The following FBXL7 variants were observed in gnomAD, a reference collection of about 807,000 sequenced individuals.
The protein encoded by FBXL7 is F-box/LRR-repeat protein 7.
A neutral mutation model predicts 38.3 loss-of-function variants in FBXL7; 12 were observed. The observed-to-expected ratio is 0.31, with a 90% CI of 0.20 to 0.51. FBXL7 has a LOEUF of 0.51. Ranked by LOEUF, FBXL7 falls within the 20% of genes least tolerant of loss-of-function variation. FBXL7 has a pLI of 0.98. For synonymous variants in FBXL7, 297 were observed against 300.9 expected (o/e 0.99, Z 0.13); for missense variants, 567 against 676.4 (o/e 0.84, Z 1.79).
chr5:15,933,093 G>T (rs952536546), intron 3 of FBXL7, among the ~76,000 whole-genome samples: 11 of 152,092 alleles, frequency 7.2e-5, no homozygotes, highest in Admixed American at 5.2e-4. Flanking sequence ...TATAATGTTT[G>T]AATGTGTGAA....
intron 2 of FBXL7, among the ~76,000 whole-genome samples, chr5:15,629,734 A>G (rs529607117): frequency 2.0e-5 from 3 of 152,130 alleles, no homozygotes; most frequent in Non-Finnish European, 4.4e-5. Context: ...CCTGGCGGCT[A>G]CTGGAGTATT....
At chr5:15,741,449 T>C in intron 2 of FBXL7, among the ~76,000 whole-genome samples, 1 of 152,210 alleles carries the variant, frequency 6.6e-6, no homozygotes, top group East Asian at 1.9e-4. Flanking sequence ...GAATTTTTTT[T>C]ACCAAAAGTT....
intron 2 of FBXL7, among the ~76,000 whole-genome samples, chr5:15,769,342 A>T (rs779831895): frequency 6.6e-6 from 1 of 152,194 alleles, no homozygotes; most frequent in Non-Finnish European, 1.5e-5. Flanking sequence ...TGGTATGATG[A>T]GTGTGTGTGT....
chr5:15,503,994 T>G (rs1736573298), intron 1 of FBXL7, among the ~76,000 whole-genome samples: 1 of 152,252 alleles, frequency 6.6e-6, no homozygotes, highest in Non-Finnish European at 1.5e-5. Flanking sequence ...GCAGATGTAA[T>G]GGGCAGAGGC....
intron 1 of FBXL7, among the ~76,000 whole-genome samples, chr5:15,513,396 A>T (rs1043831713): frequency 1.3e-5 from 2 of 152,326 alleles, no homozygotes; most frequent in South Asian, 4.1e-4. Context: ...ATAAAGGATC[A>T]CCATAATAAT....
chr5:15,695,728 G>A (rs1052667798), intron 2 of FBXL7, among the ~76,000 whole-genome samples: 3 of 152,124 alleles, frequency 2.0e-5, no homozygotes, highest in African/African-American at 4.8e-5. Flanking sequence ...CCATTTTATA[G>A]TGGGGAGAGA....
At chr5:15,818,971 GTTGT>G (rs897151107) in intron 2 of FBXL7, among the ~76,000 whole-genome samples, 10 of 152,062 alleles carry the variant, frequency 6.6e-5, no homozygotes, top group South Asian at 2.1e-4. Context: ...ATCCTCTAGT[GTTGT>G]TTATCGTTAA....
chr5:15,577,760 T>C (rs1230376340), intron 1 of FBXL7, among the ~76,000 whole-genome samples: 2 of 152,110 alleles, frequency 1.3e-5, no homozygotes, highest in East Asian at 3.9e-4. Flanking sequence ...TGTAGTCCAT[T>C]GTATTTGTCT....
intron 2 of FBXL7, among the ~76,000 whole-genome samples, chr5:15,821,484 G>T (rs1410849397): frequency 6.6e-6 from 1 of 152,150 alleles, no homozygotes; most frequent in Middle Eastern, 3.2e-3. Context: ...CACCCCTGCT[G>T]CTGAATGGCA....
intron 2 of FBXL7, among the ~76,000 whole-genome samples, chr5:15,926,499 A>T (rs1225778543): frequency 6.7e-6 from 1 of 150,274 alleles, no homozygotes; most frequent in Non-Finnish European, 1.5e-5. Context: ...TGGATATTAT[A>T]TATATCAAAA....
chr5:15,863,367 C>T (rs1021324252), intron 2 of FBXL7, among the ~76,000 whole-genome samples: 2 of 152,038 alleles, frequency 1.3e-5, no homozygotes, highest in South Asian at 4.1e-4. Flanking sequence ...AAGAAAAAGT[C>T]TTTTTTCATG....
In FBXL7 at chr5:15,511,934, C is replaced by A. The variant is rs936952593; in HGVS notation, c.37+11221C>A. On this transcript the variant is annotated intron_variant, in intron 1 of 3. Coordinates refer to ENST00000504595, the MANE Select transcript of FBXL7 (RefSeq NM_012304.5). ...GAATGCGGAGTGAATTACTATAAGA[C>A]AAAAGATCATGACAAAATGACATTA... Among the ~76,000 whole-genome samples the A allele has an allele frequency of 2.0e-5, 3 of 152,128 alleles. No individual in the cohort carries two copies. The South Asian group carries it at 6.2e-4, about 32-fold the overall frequency.
At chr5:15,621,531 G>A (rs981785032) in intron 2 of FBXL7, among the ~76,000 whole-genome samples, 1 of 152,190 alleles carries the variant, frequency 6.6e-6, no homozygotes, top group African/African-American at 2.4e-5. Context: ...AGCAGAGCAT[G>A]TTGAGTAGAA....
intron 2 of FBXL7, among the ~76,000 whole-genome samples, chr5:15,706,551 C>A (rs1384610965): frequency 6.6e-6 from 1 of 152,102 alleles, no homozygotes; most frequent in Admixed American, 6.6e-5. Flanking sequence ...GTAGAGAAAG[C>A]AAGAATGGAA....
At chr5:15,609,088 GA>G (rs1331731020) in intron 1 of FBXL7, among the ~76,000 whole-genome samples, 2 of 152,198 alleles carry the variant, frequency 1.3e-5, no homozygotes, top group Non-Finnish European at 2.9e-5. Flanking sequence ...GTAAACCACA[GA>G]TTCCCCATCA....
intron 2 of FBXL7, among the ~76,000 whole-genome samples, chr5:15,813,162 C>G (rs983056726): frequency 3.9e-5 from 6 of 152,104 alleles, no homozygotes; most frequent in Non-Finnish European, 7.4e-5. Context: ...ACTTCCAATA[C>G]TATGTTGAAT....
chr5:15,934,521 A>G (rs1335660644), intron 3 of FBXL7, among the ~76,000 whole-genome samples: 2 of 152,044 alleles, frequency 1.3e-5, no homozygotes, highest in Non-Finnish European at 2.9e-5. Context: ...ATGCATACAT[A>G]TTTTTTAGGA....
At chr5:15,935,202 T>G in intron 3 of FBXL7, 1 of 534,794 alleles carries the variant, frequency 1.9e-6, no homozygotes, top group Non-Finnish European at 3.8e-6. Context: ...TTGGGAGCCC[T>G]GTTAGACTCT....
chr5:15,868,494 A>G (rs1739815120), intron 2 of FBXL7, among the ~76,000 whole-genome samples: 1 of 152,244 alleles, frequency 6.6e-6, no homozygotes, highest in South Asian at 2.1e-4. Flanking sequence ...AACTGTGTTT[A>G]GTACCCAGCA....
Sources: gnomAD v4.1 joint callset for allele counts (sites outside exome capture counted in the v4.1 genomes callset) on GRCh38, gnomAD v4.1.1 for gene constraint, MANE v1.5 for transcripts, NCBI Gene and HGNC (gene_info 2026-07-23, HGNC 2026-07-21) for gene names.